The following GABBR2 variants were observed in gnomAD, a reference collection of about 807,000 sequenced individuals.
GABBR2 encodes the protein gamma-aminobutyric acid type B receptor subunit 2, also known as G-protein coupled receptor 51.
A neutral mutation model predicts 105.6 loss-of-function variants in GABBR2; 23 were observed. The ratio of observed to expected loss-of-function variants is 0.22; its 90% CI spans 0.16 to 0.31. GABBR2 has a LOEUF of 0.31. Among genes scored for constraint, GABBR2 ranks in the 10% least tolerant of loss-of-function variants. GABBR2 has a pLI of 1.00. For synonymous variants in GABBR2, 478 were observed against 499.7 expected (o/e 0.96, Z 0.58); for missense variants, 734 against 1,245.5 (o/e 0.59, Z 6.18).
chr9:98,433,467 T>C (rs1825847463), intron 7 of GABBR2, among the ~76,000 whole-genome samples: 2 of 152,244 alleles, frequency 1.3e-5, no homozygotes, highest in Admixed American at 6.5e-5. Flanking sequence ...AACTGTACAC[T>C]AAGGCCTTGA....
intron 4 of GABBR2, among the ~76,000 whole-genome samples, chr9:98,481,940 G>T (rs1370635118): frequency 6.6e-6 from 1 of 152,182 alleles, no homozygotes; most frequent in Non-Finnish European, 1.5e-5. Flanking sequence ...AGGTAAATGG[G>T]GTCTTTGTTG....
chr9:98,380,312 CT>C (rs1195508523), intron 11 of GABBR2, among the ~76,000 whole-genome samples: 6 of 152,332 alleles, frequency 3.9e-5, no homozygotes, highest in African/African-American at 1.2e-4. Flanking sequence ...GAGGCCCACG[CT>C]GGGATCTAAG....
intron 1 of GABBR2, among the ~76,000 whole-genome samples, chr9:98,665,703 G>A (rs1830324421): frequency 1.3e-5 from 2 of 152,154 alleles, no homozygotes; most frequent in African/African-American, 2.4e-5. Flanking sequence ...AGCACTTAAT[G>A]TGCTTCTGAG....
At chr9:98,523,958 A>C (rs949843967) in intron 3 of GABBR2, among the ~76,000 whole-genome samples, 1 of 151,812 alleles carries the variant, frequency 6.6e-6, no homozygotes, top group African/African-American at 2.4e-5. Flanking sequence ...GAAGCAAACT[A>C]TCTAATCAAG....
chr9:98,606,787 A>G, intron 1 of GABBR2: 1 of 315,976 alleles, frequency 3.2e-6, no homozygotes, highest in East Asian at 8.1e-5. Flanking sequence ...ACCTATTATC[A>G]TTTTTTTATG....
At chr9:98,540,294 G>C (rs1828267985) in intron 3 of GABBR2, among the ~76,000 whole-genome samples, 1 of 152,318 alleles carries the variant, frequency 6.6e-6, no homozygotes, top group Non-Finnish European at 1.5e-5. Flanking sequence ...AACCCTCTCT[G>C]TGTATGAACT....
chr9:98,518,452 G>C (rs967028353), intron 3 of GABBR2, among the ~76,000 whole-genome samples: 1 of 152,114 alleles, frequency 6.6e-6, no homozygotes, highest in Non-Finnish European at 1.5e-5. Context: ...TTAAGTTTCG[G>C]ACTTCAGCCC....
At chr9:98,359,766 G>C (rs773636165) in intron 13 of GABBR2, among the ~76,000 whole-genome samples, 1 of 152,206 alleles carries the variant, frequency 6.6e-6, no homozygotes, top group Non-Finnish European at 1.5e-5. Flanking sequence ...GGAAGATGCC[G>C]GCCGTGGCGT....
At position 98,323,245 on chromosome 9, in the gene GABBR2, C is replaced by T. The variant is rs146252899; in HGVS notation, c.1894-12040G>A. Among the ~76,000 whole-genome samples the T allele has an allele frequency of 3.3e-3, 500 of 152,348 alleles. 1 individual carries two copies. Among genetic ancestry groups the T allele is most frequent in the African/African-American group, 0.011 (440 of 41,574 alleles). On this transcript the variant is annotated intron_variant, in intron 13 of 18. Transcript: ENST00000259455. Reference sequence around the variant, plus strand: ...GGCGGGACTGGGTAGAAGGGCCCCACGACAGTGCTCTCCTCCGCCTGCCTT... The same window carrying T: ...GGCGGGACTGGGTAGAAGGGCCCCATGACAGTGCTCTCCTCCGCCTGCCTT...
At chr9:98,304,103 T>C (rs1021272601) in intron 15 of GABBR2, 4 of 152,244 alleles carry the variant, frequency 2.6e-5, no homozygotes, top group South Asian at 4.1e-4. Context: ...CCCCTGCCCA[T>C]TGGGACTTCA....
At chr9:98,384,287 A>T (rs149825153) in intron 11 of GABBR2, among the ~76,000 whole-genome samples, 30 of 152,306 alleles carry the variant, frequency 2.0e-4, no homozygotes, top group African/African-American at 6.5e-4. Context: ...TTCAACTGAG[A>T]GTTAGTTCCA....
At chr9:98,656,263 G>T (rs1316648372) in intron 1 of GABBR2, among the ~76,000 whole-genome samples, 3 of 152,098 alleles carry the variant, frequency 2.0e-5, no homozygotes, top group African/African-American at 7.2e-5. Context: ...GAAGGGGTGT[G>T]GAGGAAGACC....
chr9:98,291,012 A>C (rs1342145919), intron 18 of GABBR2, among the ~76,000 whole-genome samples: 1 of 152,144 alleles, frequency 6.6e-6, no homozygotes, highest in Non-Finnish European at 1.5e-5. Context: ...TTGGGCCAGG[A>C]TTTGGTGGTT....
Position 98,411,559 on chromosome 9 carries a change from AT to A in GABBR2, c.1237-5419del, listed in dbSNP as rs11435821. 1.6e-3 allele frequency among the ~76,000 whole-genome samples: 242 copies of A among 149,728 alleles called. 1 individual carries two copies. The highest frequency in any genetic ancestry group is 2.6e-3 in the Non-Finnish European group (178 of 67,324). ...TAATGCCTTGAGTTAGTAAAATCCC[AT>A]TTTTTTTTTGTTTTGTTTTGAGACA... On this transcript the variant is annotated intron_variant, in intron 7 of 18. Transcript: ENST00000259455.
intron 9 of GABBR2, 32 bp downstream of exon 9, chr9:98,394,143 G>T: frequency 1.3e-6 from 2 of 1,490,976 alleles, no homozygotes; most frequent in Non-Finnish European, 9.4e-7. Flanking sequence ...AACTGGGCAG[G>T]CCCCCTCCTC....
At chr9:98,458,370 G>A (rs1033291100) in intron 6 of GABBR2, among the ~76,000 whole-genome samples, 4 of 152,174 alleles carry the variant, frequency 2.6e-5, no homozygotes, top group African/African-American at 9.7e-5. Context: ...GCTGGTTCCC[G>A]TGCTGCCGTT....
At chr9:98,561,307 C>G (rs1010973964) in intron 2 of GABBR2, among the ~76,000 whole-genome samples, 1 of 149,376 alleles carries the variant, frequency 6.7e-6, no homozygotes, top group African/African-American at 2.5e-5. Flanking sequence ...AAAAAAAAAC[C>G]GTGAAGGAAT....
chr9:98,288,545 T>G lies in GABBR2; in HGVS notation c.*2039A>C, dbSNP rs185776091. The stretch of plus-strand genomic sequence containing the variant: ...ATAATATTTCTACAGGTATTTTTTT[T>G]TGTGTGTGTGTATACATTATGTACA... On this transcript the variant is annotated 3_prime_UTR_variant, in exon 19 of 19. Coordinates refer to ENST00000259455, the MANE Select transcript of GABBR2 (RefSeq NM_005458.8). 6.0e-3 allele frequency: 920 copies of G among 152,414 alleles called. 4 individuals are homozygous for G. Among genetic ancestry groups the G allele is most frequent in the Middle Eastern group, 0.014 (4 of 288 alleles). 9.4% of individuals were successfully genotyped at this position (152,414 alleles called of 1,614,324 possible).
chr9:98,440,941 C>A (rs1327386379), intron 7 of GABBR2, among the ~76,000 whole-genome samples: 2 of 152,196 alleles, frequency 1.3e-5, no homozygotes, highest in African/African-American at 4.8e-5. Flanking sequence ...GAGGGAGATT[C>A]TGGTCTCACA....
Sources: gnomAD v4.1 joint callset for allele counts (sites outside exome capture counted in the v4.1 genomes callset) on GRCh38, gnomAD v4.1.1 for gene constraint, MANE v1.5 for transcripts, NCBI Gene and HGNC (gene_info 2026-07-23, HGNC 2026-07-21) for gene names.